Variants in SH3D19 observed in about 807,000 individuals in gnomAD.
SH3D19 encodes the protein SH3 domain-containing protein 19.
Under a neutral mutation model 112.1 loss-of-function variants are expected in SH3D19, and 58 were observed. The observed-to-expected ratio is 0.52, with a 90% CI of 0.42 to 0.64. The LOEUF (loss-of-function observed/expected upper bound fraction) is 0.64, where lower values mean the gene tolerates loss of function less well. SH3D19 is among the 30% of genes least tolerant of loss of function. SH3D19 has a pLI of 0.00. For missense variants in SH3D19, 1,090 were observed against 1,263.4 expected, an observed-to-expected ratio of 0.86 and a Z score of 2.08; for synonymous variants, 391 against 448.5, an observed-to-expected ratio of 0.87 and a Z score of 1.62.
intron 1 of SH3D19, among the ~76,000 whole-genome samples, chr4:151,249,595 T>C (rs1429867859): frequency 6.6e-6 from 1 of 152,136 alleles, no homozygotes; most frequent in Admixed American, 6.5e-5. Flanking sequence ...ATTAAACTCA[T>C]ATGAAATCTG....
chr4:151,166,853 T>C (rs906239263), intron 7 of SH3D19, among the ~76,000 whole-genome samples: 28 of 152,226 alleles, frequency 1.8e-4, no homozygotes, highest in African/African-American at 6.8e-4. Context: ...CTTCGCCTTC[T>C]CTTCCACTCA....
chr4:151,240,779 T>G (rs1770488729), intron 1 of SH3D19, among the ~76,000 whole-genome samples: 1 of 151,944 alleles, frequency 6.6e-6, no homozygotes, highest in Non-Finnish European at 1.5e-5. Flanking sequence ...ACTCAGAAAT[T>G]CTACTCAGGT....
intron 11 of SH3D19, among the ~76,000 whole-genome samples, chr4:151,146,039 C>T (rs1200505027): frequency 6.6e-6 from 1 of 152,128 alleles, no homozygotes; most frequent in East Asian, 1.9e-4. Context: ...AAGAACACCC[C>T]TGGGTTTTAG....
chr4:151,183,003 TC>T lies in SH3D19; in HGVS notation c.194-3607del, dbSNP rs200534902. Among the ~76,000 whole-genome samples the T allele has an allele frequency of 1.9e-3, 282 of 146,692 alleles. 40 individuals carry two copies. Among genetic ancestry groups the T allele is most frequent in the Non-Finnish European group, 2.2e-3 (146 of 65,964 alleles). On this transcript the variant is annotated intron_variant, in intron 3 of 19. Coordinates refer to ENST00000604030, the MANE Select transcript of SH3D19 (RefSeq NM_001378122.1). ...TTTTCAAACTTTTTCTTTTTTTTTT[TC>T]TTTTTGAGCTGGGGTCTCTCTCTGT...
chr4:151,143,112 C>A (rs2149765237), intron 12 of SH3D19, among the ~76,000 whole-genome samples: 1 of 151,960 alleles, frequency 6.6e-6, no homozygotes, highest in Admixed American at 6.6e-5. Context: ...TGGTGCACGC[C>A]TGTAGTCCCA....
chr4:151,280,303 A>G (rs552988363), intron 1 of SH3D19, among the ~76,000 whole-genome samples: 4 of 152,280 alleles, frequency 2.6e-5, no homozygotes, highest in South Asian at 2.1e-4. Context: ...GAGTGTCCCT[A>G]TGGAGAGGCC....
chr4:151,135,262 G>A, intron 14 of SH3D19, 130 bp from the exon 15 acceptor site: 1 of 591,508 alleles, frequency 1.7e-6, no homozygotes, highest in East Asian at 3.3e-5. Context: ...CTGATTAAGA[G>A]GAACTACAGG....
intron 2 of SH3D19, among the ~76,000 whole-genome samples, chr4:151,197,449 A>C (rs552448125): frequency 6.6e-6 from 1 of 152,242 alleles, no homozygotes; most frequent in South Asian, 2.1e-4. Context: ...AAATCAGCAC[A>C]AAAATTCAAA....
chr4:151,314,730 C>G (rs1409392686), intron 1 of SH3D19, among the ~76,000 whole-genome samples: 1 of 152,186 alleles, frequency 6.6e-6, no homozygotes, highest in Non-Finnish European at 1.5e-5. Flanking sequence ...AAGGAGGAGG[C>G]AGGCAATCAA....
intron 2 of SH3D19, among the ~76,000 whole-genome samples, chr4:151,195,308 C>T (rs983709062): frequency 8.1e-5 from 10 of 123,584 alleles, no homozygotes; most frequent in African/African-American, 2.7e-4. Context: ...GCAGGCGGAG[C>T]GTGCAGTGAG....
chr4:151,232,799 C>A (rs1175180120), intron 1 of SH3D19, among the ~76,000 whole-genome samples: 1 of 152,180 alleles, frequency 6.6e-6, no homozygotes, highest in African/African-American at 2.4e-5. Context: ...TCCTTGTATT[C>A]ATTTCTTACT....
At chr4:151,231,244 C>A (rs1769583777) in intron 1 of SH3D19, among the ~76,000 whole-genome samples, 1 of 152,072 alleles carries the variant, frequency 6.6e-6, no homozygotes, top group African/African-American at 2.4e-5. Flanking sequence ...TGATTCCAAA[C>A]AAATAGACCA....
intron 19 of SH3D19, among the ~76,000 whole-genome samples, chr4:151,127,332 C>T (rs1261635906): frequency 3.4e-4 from 52 of 152,308 alleles, no homozygotes; most frequent in Admixed American, 3.4e-3. Context: ...CCTAATATTA[C>T]TGAGATCTGA....
At chr4:151,167,786 G>A (rs1427733779) in intron 7 of SH3D19, among the ~76,000 whole-genome samples, 1 of 151,704 alleles carries the variant, frequency 6.6e-6, no homozygotes, top group African/African-American at 2.4e-5. Flanking sequence ...TGGGAAGTGA[G>A]GAGCGCCTCT....
intron 1 of SH3D19, among the ~76,000 whole-genome samples, chr4:151,303,194 C>T (rs1036393396): frequency 3.3e-5 from 5 of 152,212 alleles, no homozygotes; most frequent in African/African-American, 7.2e-5. Context: ...ATTTGCTTTT[C>T]GAGTGATTAT....
At chr4:151,147,214 T>C (rs1490624715) in intron 11 of SH3D19, among the ~76,000 whole-genome samples, 2 of 152,206 alleles carry the variant, frequency 1.3e-5, no homozygotes, top group Non-Finnish European at 2.9e-5. Flanking sequence ...AGCAGTGCAC[T>C]ATGATTGCAT....
chr4:151,125,071 C>CTTTG (rs1748895987), intron 19 of SH3D19, among the ~76,000 whole-genome samples: 1 of 151,890 alleles, frequency 6.6e-6, no homozygotes, highest in South Asian at 2.1e-4. Context: ...TTCTTTCTTT[C>CTTTG]TTTTTTAAAT....
intron 1 of SH3D19, among the ~76,000 whole-genome samples, chr4:151,296,149 G>A (rs1050912188): frequency 6.6e-6 from 1 of 152,086 alleles, no homozygotes; most frequent in Non-Finnish European, 1.5e-5. Context: ...TATGGTATGC[G>A]ATTTATAACT....
intron 9 of SH3D19, among the ~76,000 whole-genome samples, chr4:151,154,482 G>A (rs1379508263): frequency 6.6e-6 from 1 of 151,920 alleles, no homozygotes; most frequent in African/African-American, 2.4e-5. Flanking sequence ...GTTTCACCAT[G>A]TTGGCCAGGC....
Sources: allele counts gnomAD v4.1 joint callset (sites outside exome capture counted in the v4.1 genomes callset), GRCh38; gene constraint gnomAD v4.1.1; transcripts MANE v1.5; gene names NCBI Gene and HGNC (gene_info 2026-07-23, HGNC 2026-07-21).